PPP1R12B: variants seen among roughly 807,000 people sequenced by gnomAD.
PPP1R12B encodes the protein myosin phosphatase target subunit 2.
PPP1R12B carries 76 observed loss-of-function variants against 126.1 expected under a neutral mutation model. The observed-to-expected ratio is 0.60, with a 90% CI of 0.50 to 0.73. The LOEUF is 0.73. Ranked by LOEUF, PPP1R12B falls within the 30% of genes least tolerant of loss-of-function variation. The pLI is 0.00. For missense variants in PPP1R12B, 1,052 were observed against 1,205.1 expected, an observed-to-expected ratio of 0.87 and a Z score of 1.88; for synonymous variants, 356 against 434.7, an observed-to-expected ratio of 0.82 and a Z score of 2.25.
chr1:202,499,847 G>A (rs1447443959), intron 18 of PPP1R12B, among the ~76,000 whole-genome samples: 1 of 152,088 alleles, frequency 6.6e-6, no homozygotes, highest in Non-Finnish European at 1.5e-5. Context: ...AAGATTTATG[G>A]CCAGGAATGG....
chr1:202,421,269 T>C (rs1181403986), intron 2 of PPP1R12B, among the ~76,000 whole-genome samples: 1 of 151,656 alleles, frequency 6.6e-6, no homozygotes, highest in Non-Finnish European at 1.5e-5. Flanking sequence ...GTTCTTTGAA[T>C]GCAGTGGCCA....
chr1:202,430,135 A>T (rs576837791), intron 6 of PPP1R12B, among the ~76,000 whole-genome samples: 6 of 152,320 alleles, frequency 3.9e-5, no homozygotes, highest in African/African-American at 9.6e-5. Flanking sequence ...TTAGACTCAC[A>T]TGGAAGTTGC....
intron 1 of PPP1R12B, among the ~76,000 whole-genome samples, chr1:202,410,478 A>C (rs1190023740): frequency 1.3e-5 from 2 of 152,256 alleles, no homozygotes; most frequent in Non-Finnish European, 2.9e-5. Context: ...CACAACAGCA[A>C]GGTCAGCTCT....
rs534499550 is a variant in PPP1R12B, at chr1:202,508,229, A to C, written c.2490+11407A>C. Among the ~76,000 whole-genome samples, 1 of 152,360 alleles carries C rather than the reference A, an allele frequency of 6.6e-6. No individual in the cohort carries two copies. The highest frequency in any genetic ancestry group is 1.5e-5 in the Non-Finnish European group (1 of 68,018). On this transcript the variant is annotated intron_variant, in intron 18 of 23. Coordinates refer to ENST00000608999, the MANE Select transcript of PPP1R12B (RefSeq NM_002481.4). The surrounding 1 kb of genome is among the most constrained non-coding windows in gnomAD (Gnocchi z 4.5). The stretch of plus-strand genomic sequence containing the variant: ...TTTAGTGACATGAATCTCTTCGTAG[A>C]GAAACCATAGTTTTGTAACCTAGTA...
rs545371855 is a variant in PPP1R12B, at chr1:202,361,724, A to G, written c.291+12582A>G. ...CAGCCCTTGAGGTCCATTATGAAAGAAAACTTCAAAGGGAACGCTCCAAAG... is the reference window on the plus strand; with the variant it reads ...CAGCCCTTGAGGTCCATTATGAAAGGAAACTTCAAAGGGAACGCTCCAAAG... On this transcript the variant is annotated intron_variant, in intron 1 of 23. Transcript: ENST00000608999. 3.9e-5 allele frequency among the ~76,000 whole-genome samples: 6 copies of G among 152,322 alleles called. 1 individual carries two copies. The highest frequency in any genetic ancestry group is 1.4e-4 in the African/African-American group (6 of 41,576).
Position 202,530,111 on chromosome 1 carries a change from T to C in PPP1R12B, c.2491-28766T>C, listed in dbSNP as rs150616889. ...TAATCAAAAAAGATATAATATACCC[T>C]GTTAGTGCTTCTGATCAGTTCAAGC... On this transcript the variant is annotated intron_variant, in intron 18 of 23. Coordinates refer to ENST00000608999, the MANE Select transcript of PPP1R12B (RefSeq NM_002481.4). 4.8e-3 allele frequency among the ~76,000 whole-genome samples: 727 copies of C among 152,296 alleles called. 2 individuals are homozygous for C. The highest frequency in any genetic ancestry group is 0.017 in the African/African-American group (696 of 41,558).
rs144820525 is a variant in PPP1R12B, at chr1:202,436,242, G to T, written c.1254+1474G>T. ...GATTGCACCATTGCACTCCAGCCTG[G>T]GCAACAGAGTGAGACCGTGTCTCAA... On this transcript the variant is annotated intron_variant, in intron 9 of 23. Transcript: ENST00000608999. Among the ~76,000 whole-genome samples the T allele has an allele frequency of 1.1e-3, 164 of 152,040 alleles. 1 individual carries two copies. Among genetic ancestry groups the T allele is most frequent in the African/African-American group, 3.8e-3 (159 of 41,450 alleles).
chr1:202,523,542 C>T (rs1474856006), intron 18 of PPP1R12B, among the ~76,000 whole-genome samples: 1 of 152,150 alleles, frequency 6.6e-6, no homozygotes, highest in African/African-American at 2.4e-5. Flanking sequence ...TGGGAAAGTA[C>T]TGACACATGA....
At chr1:202,395,766 C>G (rs985555353) in intron 1 of PPP1R12B, among the ~76,000 whole-genome samples, 4 of 152,176 alleles carry the variant, frequency 2.6e-5, no homozygotes, top group African/African-American at 9.7e-5. Flanking sequence ...TTTAATAACA[C>G]TTTCCCTAAA....
At chr1:202,437,762 G>T in intron 9 of PPP1R12B, 59 bp from the exon 10 acceptor site, 1 of 1,468,302 alleles carries the variant, frequency 6.8e-7, no homozygotes, top group Non-Finnish European at 9.2e-7. Context: ...AGGCAAATAG[G>T]CTGAGAAAGA....
Position 202,357,821 on chromosome 1 carries a change from T to G in PPP1R12B, c.291+8679T>G, listed in dbSNP as rs140634916. On this transcript the variant is annotated intron_variant, in intron 1 of 23. Coordinates refer to ENST00000608999, the MANE Select transcript of PPP1R12B (RefSeq NM_002481.4). ...TCTTGAGTGTCTACTGTGTATCTGA[T>G]TCTGTGCTGCTTGTTACTTTTACTT... Among the ~76,000 whole-genome samples the G allele has an allele frequency of 2.6e-5, 4 of 152,316 alleles. No homozygotes were observed. The East Asian group carries it at 7.7e-4, about 29-fold the overall frequency.
intron 18 of PPP1R12B, among the ~76,000 whole-genome samples, chr1:202,501,567 A>T (rs1354465481): frequency 6.6e-6 from 1 of 152,204 alleles, no homozygotes; most frequent in African/African-American, 2.4e-5. Flanking sequence ...TTTGTTTTTA[A>T]GGAATTGTTG....
intron 1 of PPP1R12B, among the ~76,000 whole-genome samples, chr1:202,383,038 A>G (rs1662590748): frequency 6.6e-6 from 1 of 152,212 alleles, no homozygotes; most frequent in Admixed American, 6.5e-5. Context: ...ACAAAAAGAA[A>G]TTGTCATCAT....
At chr1:202,494,551 G>T (rs941437694) in intron 15 of PPP1R12B, among the ~76,000 whole-genome samples, 12 of 145,858 alleles carry the variant, frequency 8.2e-5, no homozygotes, top group African/African-American at 3.0e-4. Context: ...AAGGCTTATT[G>T]TTAGGCTCTA....
At chr1:202,358,309 G>A (rs1186276330) in intron 1 of PPP1R12B, among the ~76,000 whole-genome samples, 1 of 152,136 alleles carries the variant, frequency 6.6e-6, no homozygotes, top group East Asian at 1.9e-4. Flanking sequence ...ATTGTAACCA[G>A]TTTGAGTAAA....
chr1:202,428,867 T>C lies in PPP1R12B; in HGVS notation c.859T>C (p.Phe287Leu). 1 of 1,606,740 alleles carries C rather than the reference T, an allele frequency of 6.2e-7. No individual in the cohort carries two copies. The highest frequency in any genetic ancestry group is 8.5e-7 in the Non-Finnish European group (1 of 1,176,954). The change falls in exon 6 of 24, where the codon TTT becomes CTT. Residue 287 changes from phenylalanine to leucine, a missense_variant. Physicochemically the swap from Phe to Leu is conservative, Grantham distance 22. Transcript: ENST00000608999. ...TTTTCTCTGCCAGGGCCAGACACCA[T>C]TTGATGTGGCTGATGAGGGTCTCGT... ...DIRNKLGQTPFDVADEGLVEH... is the reference protein window; with the variant it reads ...DIRNKLGQTPLDVADEGLVEH...
chr1:202,481,502 C>G (rs988447282), intron 13 of PPP1R12B, among the ~76,000 whole-genome samples: 12 of 151,720 alleles, frequency 7.9e-5, no homozygotes, highest in East Asian at 7.7e-4. Flanking sequence ...AACAATGCCA[C>G]TCTTCTAATT....
intron 13 of PPP1R12B, among the ~76,000 whole-genome samples, chr1:202,480,101 C>T (rs1264301674): frequency 6.6e-6 from 1 of 152,082 alleles, no homozygotes; most frequent in Non-Finnish European, 1.5e-5. Flanking sequence ...TATTATCAGA[C>T]ATGGACTTTA....
intron 1 of PPP1R12B, among the ~76,000 whole-genome samples, chr1:202,361,484 C>T (rs536813758): frequency 5.3e-5 from 8 of 152,284 alleles, no homozygotes; most frequent in African/African-American, 1.7e-4. Flanking sequence ...GAAGAACTCA[C>T]TCATTGCCAT....
Sources: allele counts gnomAD v4.1 joint callset (sites outside exome capture counted in the v4.1 genomes callset), GRCh38; gene constraint gnomAD v4.1.1; non-coding constraint Gnocchi (gnomAD v3.1); transcripts MANE v1.5; gene names NCBI Gene and HGNC (gene_info 2026-07-23, HGNC 2026-07-21).